KIRREL3: variants seen among roughly 807,000 people sequenced by gnomAD.
KIRREL3 encodes kin of IRRE-like protein 3.
In KIRREL3, 36 loss-of-function variants were observed where a neutral mutation model predicts 89.7. The ratio of observed to expected loss-of-function variants is 0.40; its 90% CI spans 0.31 to 0.53. The LOEUF (loss-of-function observed/expected upper bound fraction) is 0.53, where lower values mean the gene tolerates loss of function less well. KIRREL3 is among the 20% of genes least tolerant of loss of function. The pLI, the probability that KIRREL3 is intolerant of heterozygous loss-of-function variation, is 0.49. For missense variants in KIRREL3, 864 were observed against 1,056.6 expected (o/e 0.82, Z 2.53); for synonymous variants, 445 against 441.4 (o/e 1.01, Z -0.10).
rs73032237 is a variant in KIRREL3 at position 126,897,103 on chromosome 11, C to T, written c.55+103352G>A. Among the ~76,000 whole-genome samples, 2,606 of 152,208 alleles carry T rather than the reference C, an allele frequency of 0.017. 40 individuals carry two copies. The highest frequency in any genetic ancestry group is 0.025 in the Non-Finnish European group (1,707 of 68,014). ...TATTAAAATACGAAAGATCATCTCA[C>T]GAATACGGGCTACAAACAACTCCAC... On this transcript the variant is annotated intron_variant, in intron 1 of 16. Coordinates refer to ENST00000525144, the MANE Select transcript of KIRREL3 (RefSeq NM_032531.4). This position sits in a 1 kb window ranked among gnomAD's most constrained non-coding sequence, Gnocchi z 4.2.
chr11:126,591,942 A>G (rs1942155506), intron 1 of KIRREL3, among the ~76,000 whole-genome samples: 1 of 152,156 alleles, frequency 6.6e-6, no homozygotes, highest in African/African-American at 2.4e-5. Flanking sequence ...AGCCCAAGCA[A>G]CATAGGCCTC....
rs1178978205 is a variant in KIRREL3 at position 126,812,132 on chromosome 11, A to C, written c.55+188323T>G. 1.3e-5 allele frequency among the ~76,000 whole-genome samples: 2 copies of C among 152,216 alleles called. No homozygotes were observed. Among genetic ancestry groups the C allele is most frequent in the Non-Finnish European group, 2.9e-5 (2 of 68,044 alleles). On this transcript the variant is annotated intron_variant, in intron 1 of 16. Coordinates refer to ENST00000525144, the MANE Select transcript of KIRREL3 (RefSeq NM_032531.4). This position sits in a 1 kb window ranked among gnomAD's most constrained non-coding sequence, Gnocchi z 5.2. Reference sequence around the variant, plus strand: ...TATAATAGATTCTGTTCATTAAGGAAACTGCTTGCCATTTGCTACTATTTA... The same window carrying C: ...TATAATAGATTCTGTTCATTAAGGACACTGCTTGCCATTTGCTACTATTTA...
At chr11:126,532,719 G>A (rs551585287) in intron 2 of KIRREL3, among the ~76,000 whole-genome samples, 82 of 152,164 alleles carry the variant, frequency 5.4e-4, no homozygotes, top group African/African-American at 1.9e-3. Context: ...AATGAAAAGT[G>A]ATTTCTTGGT....
At chr11:126,842,041 A>G (rs1943979877) in intron 1 of KIRREL3, among the ~76,000 whole-genome samples, 1 of 152,136 alleles carries the variant, frequency 6.6e-6, no homozygotes, top group Non-Finnish European at 1.5e-5. Flanking sequence ...TGAGGAGTGG[A>G]TGCGTGTCCA....
Position 126,606,249 on chromosome 11 carries a change from T to A in KIRREL3, c.56-43337A>T, listed in dbSNP as rs1248958907. Among the ~76,000 whole-genome samples, 1 of 152,136 alleles carries A rather than the reference T, an allele frequency of 6.6e-6. No homozygotes were observed. The highest frequency in any genetic ancestry group is 1.5e-5 in the Non-Finnish European group (1 of 68,020). On this transcript the variant is annotated intron_variant, in intron 1 of 16. Coordinates refer to ENST00000525144, the MANE Select transcript of KIRREL3 (RefSeq NM_032531.4). The surrounding 1 kb of genome is among the most constrained non-coding windows in gnomAD (Gnocchi z 4.6). ...AAATATTATTTTTATGAAGGCACAG[T>A]TTAGTATGGTGTTTATGAGAGTGGA...
Position 126,491,664 on chromosome 11 carries a change from C to A in KIRREL3, c.434-18198G>T, listed in dbSNP as rs1957518244. Among the ~76,000 whole-genome samples, 2 of 152,130 alleles carry A rather than the reference C, an allele frequency of 1.3e-5. No homozygotes were observed. Among genetic ancestry groups the A allele is most frequent in the Admixed American group, 1.3e-4 (2 of 15,274 alleles). ...GCCAAGATTACCGTTTCTTTGTGCT[C>A]CCCACACACAGATTTGGATGTTTTT... On this transcript the variant is annotated intron_variant, in intron 4 of 16. Coordinates refer to ENST00000525144, the MANE Select transcript of KIRREL3 (RefSeq NM_032531.4). The surrounding 1 kb of genome is among the most constrained non-coding windows in gnomAD (Gnocchi z 5.5).
chr11:126,713,033 A>G (rs747805318), intron 1 of KIRREL3, among the ~76,000 whole-genome samples: 31 of 152,290 alleles, frequency 2.0e-4, no homozygotes, highest in Admixed American at 9.1e-4. Context: ...AGGGAGCTCA[A>G]TCTCTCATAG....
Position 126,511,898 on chromosome 11 carries a change from C to T in KIRREL3, c.433+9417G>A, listed in dbSNP as rs75827607. ...GGAGAAGCGGCGGGTTATTTTTAGC[C>T]CTCAGAGGGCTCCCTGTGCAGCTGC... On this transcript the variant is annotated intron_variant, in intron 4 of 16. Transcript: ENST00000525144. Among the ~76,000 whole-genome samples the T allele has an allele frequency of 2.9e-3, 443 of 152,294 alleles. 4 individuals carry two copies. Among genetic ancestry groups the T allele is most frequent in the Middle Eastern group, 0.014 (4 of 294 alleles).
intron 1 of KIRREL3, among the ~76,000 whole-genome samples, chr11:126,644,552 A>G (rs1243146446): frequency 6.6e-6 from 1 of 152,166 alleles, no homozygotes; most frequent in South Asian, 2.1e-4. Flanking sequence ...CCAAGGATGA[A>G]GCTGGTGAAG....
At chr11:126,425,832 A>G (rs899824787) in intron 15 of KIRREL3, 108 bp from the exon 16 acceptor site, 2 of 787,084 alleles carry the variant, frequency 2.5e-6, no homozygotes, top group Non-Finnish European at 4.2e-6. Flanking sequence ...TATAACCCCC[A>G]CCACCCCTCA....
At chr11:126,846,707 G>T (rs1303895223) in intron 1 of KIRREL3, among the ~76,000 whole-genome samples, 1 of 152,070 alleles carries the variant, frequency 6.6e-6, no homozygotes, top group Non-Finnish European at 1.5e-5. Context: ...CACACGCAAG[G>T]TGTATAAAGA....
At position 126,919,178 on chromosome 11, in the gene KIRREL3, G is replaced by A. The variant is rs187487344; in HGVS notation, c.55+81277C>T. 8.1e-4 allele frequency among the ~76,000 whole-genome samples: 124 copies of A among 152,154 alleles called. 1 individual carries two copies. Among genetic ancestry groups the A allele is most frequent in the African/African-American group, 2.9e-3 (119 of 41,508 alleles). ...AAGGCATAGTGCTTTTGTGGGTTTC[G>A]ATAAGCCTGACTTCTCAGTGTGGAT... On this transcript the variant is annotated intron_variant, in intron 1 of 16. Coordinates refer to ENST00000525144, the MANE Select transcript of KIRREL3 (RefSeq NM_032531.4).
Position 126,623,925 on chromosome 11 carries a change from A to T in KIRREL3, c.56-61013T>A, listed in dbSNP as rs1406182245. ...GGTACCTCTTTTTATTCATTGAGAA[A>T]GTAACGGTGAGCAGTTTTGTGAATT... is the stretch of plus-strand genomic sequence containing the variant. On this transcript the variant is annotated intron_variant, in intron 1 of 16. Transcript: ENST00000525144. The surrounding 1 kb of genome is among the most constrained non-coding windows in gnomAD (Gnocchi z 4.1). Among the ~76,000 whole-genome samples, 1 of 152,186 alleles carries T rather than the reference A, an allele frequency of 6.6e-6. No homozygotes were observed. The highest frequency in any genetic ancestry group is 1.5e-5 in the Non-Finnish European group (1 of 68,034).
At chr11:126,720,620 A>G (rs61897887) in intron 1 of KIRREL3, among the ~76,000 whole-genome samples, 11,520 of 152,302 alleles carry the variant, frequency 0.076, 672 homozygotes, top group African/African-American at 0.16. Flanking sequence ...GTAGGTGAAG[A>G]CATTCACCAC....
intron 1 of KIRREL3, among the ~76,000 whole-genome samples, chr11:126,770,961 G>T (rs1382397042): frequency 6.6e-6 from 1 of 152,194 alleles, no homozygotes; most frequent in South Asian, 2.1e-4. Context: ...TCAGCCTCCC[G>T]AGTAGCTGGG....
intron 1 of KIRREL3, among the ~76,000 whole-genome samples, chr11:126,718,939 C>T (rs1948068697): frequency 6.6e-6 from 1 of 152,204 alleles, no homozygotes; most frequent in African/African-American, 2.4e-5. Context: ...TTGATAGAAA[C>T]CTTTGTCTCC....
Position 126,990,209 on chromosome 11 carries a change from T to A in KIRREL3, c.55+10246A>T, listed in dbSNP as rs997005356. ...CATCCCTGTGGCAGGGAAACCCGTG[T>A]GGTGGGCTGAGCTTCCTCGCTCCCT... On this transcript the variant is annotated intron_variant, in intron 1 of 16. Coordinates refer to ENST00000525144, the MANE Select transcript of KIRREL3 (RefSeq NM_032531.4). This position sits in a 1 kb window ranked among gnomAD's most constrained non-coding sequence, Gnocchi z 6.3. Among the ~76,000 whole-genome samples the A allele has an allele frequency of 6.6e-6, 1 of 152,124 alleles. No homozygotes were observed. Among genetic ancestry groups the A allele is most frequent in the Non-Finnish European group, 1.5e-5 (1 of 68,016 alleles).
chr11:126,537,320 C>T lies in KIRREL3; in HGVS notation c.134-10633G>A, dbSNP rs1937976912. The stretch of plus-strand genomic sequence containing the variant: ...GAGAGTCTTGGATGGTCACATTTGA[C>T]CACAGGTTACTGGATTACAAGGGAT... On this transcript the variant is annotated intron_variant, in intron 2 of 16. Transcript: ENST00000525144. This position sits in a 1 kb window ranked among gnomAD's most constrained non-coding sequence, Gnocchi z 4.3. 6.6e-6 allele frequency among the ~76,000 whole-genome samples: 1 copy of T among 152,108 alleles called. No individual in the cohort carries two copies. The highest frequency in any genetic ancestry group is 1.5e-5 in the Non-Finnish European group (1 of 68,030).
chr11:126,471,418 A>G lies in KIRREL3; in HGVS notation c.591+1891T>C, dbSNP rs540990882. Among the ~76,000 whole-genome samples, 1 of 152,064 alleles carries G rather than the reference A, an allele frequency of 6.6e-6. No individual in the cohort carries two copies. Among genetic ancestry groups the G allele is most frequent in the South Asian group, 2.1e-4 (1 of 4,818 alleles). ...AAATAAATAAAAAATAAAAAAAGAA[A>G]GAAAAAAAGAAAAGACAGTTTGCTA... On this transcript the variant is annotated intron_variant, in intron 5 of 16. Transcript: ENST00000525144. This position sits in a 1 kb window ranked among gnomAD's most constrained non-coding sequence, Gnocchi z 5.4.
Sources: gnomAD v4.1 joint callset for allele counts (sites outside exome capture counted in the v4.1 genomes callset) on GRCh38, gnomAD v4.1.1 for gene constraint, Gnocchi (gnomAD v3.1) non-coding constraint, MANE v1.5 for transcripts, NCBI Gene and HGNC (gene_info 2026-07-23, HGNC 2026-07-21) for gene names.